Variants in GPC6 observed in about 807,000 individuals in gnomAD.
GPC6 encodes the protein glypican 6.
In GPC6, 14 loss-of-function variants were observed where a neutral mutation model predicts 55.2. The ratio of observed to expected loss-of-function variants is 0.25; its 90% confidence interval spans 0.17 to 0.40. The LOEUF (loss-of-function observed/expected upper bound fraction) is 0.40, where lower values mean the gene tolerates loss of function less well. Ranked by LOEUF, GPC6 falls within the 10% of genes least tolerant of loss-of-function variation. The probability of loss-of-function intolerance (pLI) is 1.00; values close to 1 mark genes in which losing one functional copy is unlikely to be tolerated. For synonymous variants in GPC6, 278 were observed against 259.6 expected (o/e 1.07, Z -0.68); for missense variants, 641 against 708.5 (o/e 0.90, Z 1.08).
intron 3 of GPC6, among the ~76,000 whole-genome samples, chr13:93,961,309 C>T (rs922419017): frequency 1.3e-5 from 2 of 152,212 alleles, no homozygotes; most frequent in East Asian, 3.8e-4. Flanking sequence ...TAATAAAATT[C>T]TGCACATGAG....
At chr13:94,141,241 T>C (rs902335065) in intron 4 of GPC6, among the ~76,000 whole-genome samples, 4 of 152,150 alleles carry the variant, frequency 2.6e-5, no homozygotes, top group Non-Finnish European at 5.9e-5. Flanking sequence ...CGGGGGCTTA[T>C]AGGTGGATTC....
intron 4 of GPC6, among the ~76,000 whole-genome samples, chr13:94,170,621 C>G (rs1888531450): frequency 6.6e-6 from 1 of 152,218 alleles, no homozygotes; most frequent in African/African-American, 2.4e-5. Context: ...TAAGTATTAA[C>G]TCTTTGCTAT....
chr13:94,004,755 C>A (rs1881944185), intron 3 of GPC6, among the ~76,000 whole-genome samples: 2 of 152,040 alleles, frequency 1.3e-5, no homozygotes, highest in Admixed American at 1.3e-4. Flanking sequence ...TGAACTATAG[C>A]TCTTTAAATC....
At chr13:93,843,229 C>T (rs1006653734) in intron 3 of GPC6, among the ~76,000 whole-genome samples, 25 of 151,980 alleles carry the variant, frequency 1.6e-4, no homozygotes, top group Admixed American at 3.9e-4. Flanking sequence ...TGGCTCACAT[C>T]GTTTGTTTGC....
intron 3 of GPC6, among the ~76,000 whole-genome samples, chr13:94,017,516 A>G (rs779262972): frequency 5.9e-5 from 9 of 152,150 alleles, no homozygotes; most frequent in African/African-American, 1.4e-4. Context: ...TGAGAACAGT[A>G]TGGGGAAAAC....
intron 6 of GPC6, among the ~76,000 whole-genome samples, chr13:94,343,832 G>A (rs1023118078): frequency 1.3e-5 from 2 of 152,064 alleles, no homozygotes; most frequent in African/African-American, 4.8e-5. Context: ...CCAGGCTCAG[G>A]TGATCCTCCC....
intron 1 of GPC6, among the ~76,000 whole-genome samples, chr13:93,411,111 T>C (rs1876479456): frequency 6.6e-6 from 1 of 152,210 alleles, no homozygotes; most frequent in African/African-American, 2.4e-5. Context: ...TTAGTTAAGA[T>C]ATTTCCTCGA....
chr13:94,195,171 C>T (rs1439862133), intron 4 of GPC6, among the ~76,000 whole-genome samples: 1 of 152,184 alleles, frequency 6.6e-6, no homozygotes, highest in African/African-American at 2.4e-5. Context: ...AGCACCTGAT[C>T]TGCAGATGTC....
At chr13:93,358,189 A>G (rs559644764) in intron 1 of GPC6, among the ~76,000 whole-genome samples, 1 of 152,216 alleles carries the variant, frequency 6.6e-6, no homozygotes, top group South Asian at 2.1e-4. Context: ...TCTACAAAAA[A>G]TGAAAAATTA....
Position 94,180,341 on chromosome 13 carries a change from G to GCT in GPC6, c.878-106005_878-106004dup, listed in dbSNP as rs1332135094. 3.9e-5 allele frequency among the ~76,000 whole-genome samples: 6 copies of GCT among 152,272 alleles called. No homozygotes were observed. The East Asian group carries it at 9.6e-4, about 24-fold the overall frequency. ...AGGCCTTACCACATGTTTGGATCAT[G>GCT]CTCTTCTGAATTGATAAACAGGCTG... On this transcript the variant is annotated intron_variant, in intron 4 of 8. Transcript: ENST00000377047.
At chr13:93,383,015 G>A (rs963124532) in intron 1 of GPC6, among the ~76,000 whole-genome samples, 2 of 151,984 alleles carry the variant, frequency 1.3e-5, no homozygotes, top group South Asian at 2.1e-4. Context: ...CCATAATTGC[G>A]GTCTAGAGTC....
intron 1 of GPC6, among the ~76,000 whole-genome samples, chr13:93,535,145 T>A (rs1446075753): frequency 2.0e-5 from 3 of 152,184 alleles, no homozygotes; most frequent in Non-Finnish European, 4.4e-5. Flanking sequence ...CCTTTTCAGT[T>A]GAGCTAAGTG....
At chr13:93,246,174 C>T (rs538958807) in intron 1 of GPC6, among the ~76,000 whole-genome samples, 83 of 152,288 alleles carry the variant, frequency 5.5e-4, no homozygotes, top group African/African-American at 1.8e-3. Context: ...GACTGTTATG[C>T]AAGGCGACTA....
chr13:93,848,508 C>T (rs569701829), intron 3 of GPC6, among the ~76,000 whole-genome samples: 3 of 152,056 alleles, frequency 2.0e-5, no homozygotes, highest in Non-Finnish European at 2.9e-5. Flanking sequence ...GGGCATCCTA[C>T]GAATATCTTC....
intron 2 of GPC6, among the ~76,000 whole-genome samples, chr13:93,825,078 T>C (rs1308411707): frequency 6.6e-6 from 1 of 152,212 alleles, no homozygotes; most frequent in Non-Finnish European, 1.5e-5. Context: ...TTTCTCTGAA[T>C]ATTTTTAATG....
intron 1 of GPC6, among the ~76,000 whole-genome samples, chr13:93,368,307 C>A (rs1594123390): frequency 8.0e-6 from 1 of 125,758 alleles, no homozygotes; most frequent in South Asian, 3.1e-4. Flanking sequence ...CTCTCTCCTT[C>A]CCTCCTTCCC....
At chr13:94,340,835 A>G (rs1055268211) in intron 6 of GPC6, among the ~76,000 whole-genome samples, 2 of 152,248 alleles carry the variant, frequency 1.3e-5, no homozygotes, top group Admixed American at 6.5e-5. Flanking sequence ...GCACGGGAAT[A>G]TTTAATACAT....
rs748657241 is a variant in GPC6, at chr13:93,635,576, T to C, written c.319+90155T>C. Reference sequence around the variant, plus strand: ...AGTGGTTTTGGTTCTGTTGTGTGAGTTGTAGTTCAAATATTCGCCTTCTGT... The same window carrying C: ...AGTGGTTTTGGTTCTGTTGTGTGAGCTGTAGTTCAAATATTCGCCTTCTGT... On this transcript the variant is annotated intron_variant, in intron 2 of 8. Coordinates refer to ENST00000377047, the MANE Select transcript of GPC6 (RefSeq NM_005708.5). 4.6e-5 allele frequency among the ~76,000 whole-genome samples: 7 copies of C among 152,102 alleles called. No individual in the cohort carries two copies. In the South Asian group the frequency reaches 6.2e-4, roughly 14 times the overall value.
chr13:93,518,034 A>C (rs975709790), intron 1 of GPC6, among the ~76,000 whole-genome samples: 3 of 151,934 alleles, frequency 2.0e-5, no homozygotes, highest in Non-Finnish European at 4.4e-5. Flanking sequence ...ACTTACATCC[A>C]GGTAGTAGCT....
Sources: allele counts gnomAD v4.1 joint callset (sites outside exome capture counted in the v4.1 genomes callset), GRCh38; gene constraint gnomAD v4.1.1; transcripts MANE v1.5; gene names NCBI Gene and HGNC (gene_info 2026-07-23, HGNC 2026-07-21).